The following BTN3A1 variants were observed in gnomAD, a reference collection of about 807,000 sequenced individuals.
BTN3A1 encodes the protein butyrophilin subfamily 3 member A1, also known as dJ45P21.3 (butyrophilin, subfamily 3, member A1).
In BTN3A1, 24 loss-of-function variants were observed where a neutral mutation model predicts 43.0. The ratio of observed to expected loss-of-function variants is 0.56; its 90% confidence interval spans 0.40 to 0.78. The LOEUF is 0.78. BTN3A1 is among the 30% of genes least tolerant of loss of function. The pLI, the probability that BTN3A1 is intolerant of heterozygous loss-of-function variation, is 0.00. For synonymous variants in BTN3A1, 181 were observed against 234.7 expected (o/e 0.77, Z 2.09); for missense variants, 533 against 626.2 (o/e 0.85, Z 1.59).
intron 3 of BTN3A1, among the ~76,000 whole-genome samples, chr6:26,407,064 G>C (rs1473770895): frequency 6.6e-6 from 1 of 152,230 alleles, no homozygotes; most frequent in Non-Finnish European, 1.5e-5. Flanking sequence ...GCTCACACAT[G>C]ATGTGGGGTG....
intron 9 of BTN3A1, chr6:26,412,559 A>T (rs1311754781): frequency 5.2e-6 from 8 of 1,548,242 alleles, no homozygotes; most frequent in Admixed American, 2.0e-5. Context: ...AGGGCATATA[A>T]GGCACCACAT....
At chr6:26,402,645 C>T (rs1425113767) in intron 1 of BTN3A1, among the ~76,000 whole-genome samples, 1 of 152,338 alleles carries the variant, frequency 6.6e-6, no homozygotes, top group East Asian at 1.9e-4. Context: ...ATTGCATGTT[C>T]TTAAGAACGT....
intron 2 of BTN3A1, 25 bp downstream of exon 2, chr6:26,405,673 T>C: frequency 6.2e-7 from 1 of 1,612,876 alleles, no homozygotes; most frequent in Non-Finnish European, 8.5e-7. Context: ...CACGCTTGTT[T>C]CTGAAGCAGA....
intron 7 of BTN3A1, among the ~76,000 whole-genome samples, 159 bp downstream of exon 7, chr6:26,410,191 GAA>G (rs397942735): frequency 1.6e-5 from 2 of 126,520 alleles, no homozygotes; most frequent in Non-Finnish European, 1.7e-5. Flanking sequence ...TTGCCAAAAA[GAA>G]AAAAAAAAAA....
intron 1 of BTN3A1, 89 bp downstream of exon 1, chr6:26,402,501 G>A (rs1307822461): frequency 6.6e-6 from 1 of 152,430 alleles, no homozygotes. Context: ...GGCATGCAGG[G>A]AGAGTACTCA....
intron 7 of BTN3A1, 74 bp downstream of exon 7, chr6:26,410,106 C>G: frequency 1.3e-6 from 2 of 1,588,130 alleles, no homozygotes; most frequent in Non-Finnish European, 1.7e-6. Flanking sequence ...ACTCTTAACT[C>G]TTTCCCCAAG....
rs1181276432 is a variant in BTN3A1, at chr6:26,413,354, G to T, written c.1204G>T (p.Gly402Trp). The T allele has an allele frequency of 1.2e-6, 2 of 1,614,176 alleles. No individual in the cohort carries two copies. Among genetic ancestry groups the T allele is most frequent in the Non-Finnish European group, 8.5e-7 (1 of 1,180,040 alleles). The change falls in exon 10 of 10, where the codon GGG becomes TGG. Residue 402 changes from glycine (G) to tryptophan (W), a missense_variant. By Grantham distance (184) the Gly-to-Trp change is radical. This residue lies in a region of BTN3A1 where 415 missense variants were observed against 427.0 expected (regional missense o/e 0.97). Coordinates refer to ENST00000289361, the MANE Select transcript of BTN3A1 (RefSeq NM_007048.6). ...GAGACATTACTGGGAGGTGGAGGTA[G>T]GGGACAGGAAAGAGTGGCATATAGG... ...SGRHYWEVEV[G>W]DRKEWHIGVC... is the part of the protein sequence containing the mutation.
rs567816736 is a variant in BTN3A1, at chr6:26,407,652, C to G, written c.434-19C>G. 5 of 1,611,012 alleles carry G rather than the reference C, an allele frequency of 3.1e-6. No homozygotes were observed. Among genetic ancestry groups the G allele is most frequent in the Non-Finnish European group, 4.2e-6 (5 of 1,177,666 alleles). On this transcript the variant is annotated intron_variant, in intron 3 of 9. Coordinates refer to ENST00000289361, the MANE Select transcript of BTN3A1 (RefSeq NM_007048.6). ...GATACAGGCCTCTCAAGAATTTAGG[C>G]TAATTCATCCTTCCACAGCACTGGG...
At chr6:26,410,793 A>G (rs902078378) in intron 7 of BTN3A1, among the ~76,000 whole-genome samples, 34 of 150,034 alleles carry the variant, frequency 2.3e-4, no homozygotes, top group Admixed American at 5.3e-4. Context: ...ATATATGTGT[A>G]TATATATATG....
At chr6:26,404,313 A>C (rs1016485033) in intron 1 of BTN3A1, 5 of 152,242 alleles carry the variant, frequency 3.3e-5, no homozygotes, top group Admixed American at 6.5e-5. Context: ...AAAAGTTTTA[A>C]ATTTAAAGCA....
At chr6:26,411,187 T>C in intron 8 of BTN3A1, 52 bp downstream of exon 8, 1 of 1,580,446 alleles carries the variant, frequency 6.3e-7, no homozygotes, top group Non-Finnish European at 8.6e-7. Flanking sequence ...CCATGAACAT[T>C]TCAACCTTTT....
At chr6:26,410,854 T>C (rs1000508885) in intron 7 of BTN3A1, among the ~76,000 whole-genome samples, 3 of 151,098 alleles carry the variant, frequency 2.0e-5, no homozygotes, top group African/African-American at 7.3e-5. Flanking sequence ...TATAGATACA[T>C]TCCAAATAGA....
Position 26,406,157 on chromosome 6 carries a change from C to T in BTN3A1, c.334C>T (p.Arg112Ter), listed in dbSNP as rs376221996. Residue 112 changes from arginine to a stop codon, truncating the protein, a stop_gained, in exon 3 of 10, where the codon CGA becomes TGA. Coordinates refer to ENST00000289361, the MANE Select transcript of BTN3A1 (RefSeq NM_007048.6). LOFTEE classifies it high-confidence loss of function. ...DGITAGKAAL[R>*]IHNVTASDSG... ...CATCACTGCAGGGAAGGCTGCTCTC[C>T]GAATACACAACGTCACAGCCTCTGA... 9.3e-6 allele frequency: 14 copies of T among 1,512,548 alleles called. No homozygotes were observed. The highest frequency in any genetic ancestry group is 1.2e-5 in the Non-Finnish European group (13 of 1,106,626). 93.7% of individuals were successfully genotyped at this position (1,512,548 alleles called of 1,614,324 possible). A position where few individuals can be genotyped will look rare whatever the true frequency, so the allele number is the denominator to read the frequency against.
rs765193555 is a variant in BTN3A1 at position 26,405,535 on chromosome 6, C to T, written c.-29C>T. On this transcript the variant is annotated 5_prime_UTR_variant, in exon 2 of 10. Transcript: ENST00000289361. ...CCAGGTCATAGTGTCTGCCCCCCAC[C>T]TTCCAGTATCTCCTGATATGCAGCA... 5 of 1,607,108 alleles carry T rather than the reference C, an allele frequency of 3.1e-6. No homozygotes were observed. In the African/African-American group the frequency reaches 5.4e-5, roughly 17 times the overall value.
chr6:26,405,852 C>T (rs1490614579), intron 2 of BTN3A1, 57 bp from the exon 3 acceptor site: 2 of 1,612,798 alleles, frequency 1.2e-6, no homozygotes, highest in Non-Finnish European at 1.7e-6. Context: ...AAGCACCCTT[C>T]CTCTCATGAC....
intron 9 of BTN3A1, 38 bp from the exon 10 acceptor site, chr6:26,413,131 T>G (rs566412023): frequency 6.4e-7 from 1 of 1,571,380 alleles, no homozygotes; most frequent in Non-Finnish European, 8.6e-7. Flanking sequence ...CCAGGAAAAA[T>G]GGTTGACCTC....
At position 26,411,468 on chromosome 6, in the gene BTN3A1, A is replaced by T. The variant is rs189500139; in HGVS notation, c.992-87A>T. ...CCTGGAAGAGACTCTGAAGAAAAGG[A>T]GAGAAAACATGTAGTGAGGGGAGAG... On this transcript the variant is annotated intron_variant, in intron 8 of 9. Transcript: ENST00000289361. The T allele has an allele frequency of 8.6e-4, 1,265 of 1,469,250 alleles. 15 individuals carry two copies. The Admixed American group carries it at 0.016, about 19-fold the overall frequency. The allele number at this position is 1,469,250 out of a possible 1,614,324, so 91.0% of individuals were successfully genotyped here.
rs1250100726 is a variant in BTN3A1 at position 26,411,133 on chromosome 6, A to T, written c.989A>T (p.Asn330Ile). 1.2e-6 allele frequency: 2 copies of T among 1,609,824 alleles called. No homozygotes were observed. Among genetic ancestry groups the T allele is most frequent in the Admixed American group, 1.7e-5 (1 of 59,000 alleles). ...ASRGERHSAY[N>I]EWKKALFKPA... ...GGGGGAGAGAGACATTCAGCCTATAATGGTGAGTGAACCTGATGCTCTCTG... is the reference window on the plus strand; with the variant it reads ...GGGGGAGAGAGACATTCAGCCTATATTGGTGAGTGAACCTGATGCTCTCTG... The change falls in exon 8 of 10, where the codon AAT becomes ATT. Residue 330 changes from asparagine to isoleucine, a missense_variant and splice_region_variant. Asn to Ile is a moderately radical substitution (Grantham distance 149). Transcript: ENST00000289361.
In BTN3A1 at chr6:26,406,206, T is replaced by C. The variant is rs1461205077; in HGVS notation, c.383T>C (p.Phe128Ser). 3 of 1,430,366 alleles carry C rather than the reference T, an allele frequency of 2.1e-6. No homozygotes were observed. Among genetic ancestry groups the C allele is most frequent in the African/African-American group, 3.3e-5 (2 of 61,190 alleles). 88.6% of individuals were successfully genotyped at this position (1,430,366 alleles called of 1,614,324 possible). ...GACAGTGGAAAGTACTTGTGTTATT[T>C]CCAAGATGGTGACTTCTATGAAAAA... ...ASDSGKYLCY[F>S]QDGDFYEKAL... The change falls in exon 3 of 10, where the codon TTC becomes TCC. Residue 128 changes from phenylalanine to serine, a missense_variant. Transcript: ENST00000289361.
Sources: gnomAD v4.1 joint callset for allele counts (sites outside exome capture counted in the v4.1 genomes callset) on GRCh38, gnomAD v4.1.1 for gene constraint, gnomAD v4.1.1 regional missense constraint, MANE v1.5 for transcripts, NCBI Gene and HGNC (gene_info 2026-07-23, HGNC 2026-07-21) for gene names.